The following KRT73 variants were observed in gnomAD, a reference collection of about 807,000 sequenced individuals.
KRT73 encodes the protein keratin 73.
In KRT73, 44 loss-of-function variants were observed where a neutral mutation model predicts 47.2. The ratio of observed to expected loss-of-function variants is 0.93; its 90% CI spans 0.73 to 1.20. KRT73 has a LOEUF of 1.20. Ranked by LOEUF, KRT73 falls within the 50% of genes most tolerant of loss-of-function variation. The probability of loss-of-function intolerance (pLI) is 0.00; values close to 1 mark genes in which losing one functional copy is unlikely to be tolerated. For synonymous variants in KRT73, 285 were observed against 291.3 expected, an observed-to-expected ratio of 0.98 and a Z score of 0.22; for missense variants, 713 against 704.5, an observed-to-expected ratio of 1.01 and a Z score of -0.14.
At chr12:52,619,517 G>T (rs189956368), upstream of KRT73, among the ~76,000 whole-genome samples, 297 of 152,298 alleles carry the variant, frequency 2.0e-3, 1 homozygote, top group African/African-American at 6.8e-3. Context: ...CCCTTGGCTG[G>T]TCTTCTGACT....
chr12:52,616,283 A>G lies in KRT73; in HGVS notation c.545T>C (p.Ile182Thr). The G allele has an allele frequency of 1.2e-6, 2 of 1,614,098 alleles. No homozygotes were observed. Among genetic ancestry groups the G allele is most frequent in the South Asian group, 2.2e-5 (2 of 91,062 alleles). ...LNNCKNNLEP[I>T]LEGYISNLRK... is the part of the protein sequence containing the mutation. Reference sequence around the variant, plus strand: ...CAGGTTGCTGATGTAGCCCTCAAGGATGGGCTCCAGGTTATTCTTGCAGTT... The same window carrying G: ...CAGGTTGCTGATGTAGCCCTCAAGGGTGGGCTCCAGGTTATTCTTGCAGTT... Residue 182 changes from isoleucine to threonine, a missense_variant, in exon 2 of 9, where the codon ATC (isoleucine) becomes ACC (threonine). Coordinates refer to ENST00000305748, the MANE Select transcript of KRT73 (RefSeq NM_175068.3).
Position 52,615,325 on chromosome 12 carries a change from A to G in KRT73, c.677T>C (p.Ile226Thr). 3 of 1,613,706 alleles carry G rather than the reference A, an allele frequency of 1.9e-6. No individual in the cohort carries two copies. The highest frequency in any genetic ancestry group is 2.5e-6 in the Non-Finnish European group (3 of 1,179,834). The change falls in exon 3 of 9, where the codon ATA becomes ACA. Residue 226 changes from isoleucine (I) to threonine (T), a missense_variant. By Grantham distance (89) the Ile-to-Thr change is moderately conservative. Transcript: ENST00000305748. Reference protein sequence around the residue: ...EDYKKRYEEEINKRTTAENEF... With the variant: ...EDYKKRYEEETNKRTTAENEF... ...ATTCTCAGCAGTTGTGCGCTTGTTT[A>G]TTTCTTCTTCATACCTGCAGGGAAA... is the stretch of plus-strand genomic sequence containing the variant.
chr12:52,613,407 T>G (rs1407128279), intron 5 of KRT73: 1 of 323,272 alleles, frequency 3.1e-6, no homozygotes, highest in East Asian at 6.3e-5. Context: ...AGGGAGTGGT[T>G]TCTGACCTGC....
At chr12:52,630,451 T>G in the KRT73 span, among the ~76,000 whole-genome samples, 1 of 152,240 alleles carries the variant, frequency 6.6e-6, no homozygotes, top group African/African-American at 2.4e-5. Flanking sequence ...GCCCTTCTGC[T>G]CTGCCTCCAG....
chr12:52,608,219 G>A lies in KRT73; in HGVS notation c.1600C>T (p.Pro534Ser), dbSNP rs1474772306. The A allele has an allele frequency of 5.0e-6, 8 of 1,611,396 alleles. No homozygotes were observed. The highest frequency in any genetic ancestry group is 1.3e-5 in the African/African-American group (1 of 74,726). Reference protein sequence around the residue: ...SQGKTLALSSPTKKTMR With the variant: ...SQGKTLALSSSTKKTMR Reference sequence around the variant, plus strand: ...TTTTATCTCATGGTTTTTTTGGTGGGTGAGCTTAGAGCTAAGGTCTTTCCC... The same window carrying A: ...TTTTATCTCATGGTTTTTTTGGTGGATGAGCTTAGAGCTAAGGTCTTTCCC... The change falls in exon 9 of 9, where the codon CCC (proline) becomes TCC (serine). Residue 534 changes from proline (P) to serine (S), a missense_variant. Coordinates refer to ENST00000305748, the MANE Select transcript of KRT73 (RefSeq NM_175068.3).
rs750425376 is a variant in KRT73, at chr12:52,618,121, T to C, written c.404A>G (p.Gln135Arg). 1.9e-6 allele frequency: 3 copies of C among 1,613,916 alleles called. No individual in the cohort carries two copies. The Admixed American group carries it at 5.0e-5, about 27-fold the overall frequency. The change falls in exon 1 of 9, where the codon CAG becomes CGG. Residue 135 changes from glutamine to arginine, a missense_variant. Coordinates refer to ENST00000305748, the MANE Select transcript of KRT73 (RefSeq NM_175068.3). ...IQKVRAQERE[Q>R]IKVLNNKFAS... Reference sequence around the variant, plus strand: ...GAACTTGTTGTTCAGCACCTTGATCTGCTCCCGCTCCTGGGCACGCACTTT... The same window carrying C: ...GAACTTGTTGTTCAGCACCTTGATCCGCTCCCGCTCCTGGGCACGCACTTT...
intron 1 of KRT73, among the ~76,000 whole-genome samples, chr12:52,617,702 C>T (rs1414554082): frequency 2.0e-5 from 3 of 152,170 alleles, no homozygotes; most frequent in Admixed American, 6.5e-5. Context: ...TCATTGCTTC[C>T]TGGACACCTT....
At chr12:52,611,456 T>G in intron 5 of KRT73, 127 bp from the exon 6 acceptor site, 2 of 1,071,566 alleles carry the variant, frequency 1.9e-6, no homozygotes, top group South Asian at 3.1e-5. Flanking sequence ...CCTCACCATG[T>G]CTATCAGCAG....
intron 6 of KRT73, 55 bp downstream of exon 6, chr12:52,611,149 T>TA: frequency 6.2e-7 from 1 of 1,600,192 alleles, no homozygotes; most frequent in South Asian, 1.1e-5. Context: ...CAGGGGGTGC[T>TA]AAGCAGTTCA....
chr12:52,628,962 T>G, the KRT73 span, among the ~76,000 whole-genome samples: 1 of 152,180 alleles, frequency 6.6e-6, no homozygotes, highest in Non-Finnish European at 1.5e-5. Context: ...CAGGTTTCTG[T>G]GCCCTGAGTT....
upstream of KRT73, among the ~76,000 whole-genome samples, chr12:52,620,109 C>CTTTTTTTTTTTTTT (rs10638831): frequency 7.4e-5 from 7 of 94,444 alleles, no homozygotes; most frequent in African/African-American, 1.3e-4. Context: ...TCCTTTTTTT[C>CTTTTTTTTTTTTTT]TTTTTTTTTT....
chr12:52,608,478 T>C lies in KRT73; in HGVS notation c.1367-26A>G, dbSNP rs763070881. On this transcript the variant is annotated intron_variant, in intron 8 of 8. Coordinates refer to ENST00000305748, the MANE Select transcript of KRT73 (RefSeq NM_175068.3). The stretch of plus-strand genomic sequence containing the variant: ...CTGCAGAGGAGGGAGGGACGAGTGA[T>C]CAGTGTATATCCCAGGACAGAGGTG... The C allele has an allele frequency of 5.1e-6, 8 of 1,580,326 alleles. No individual in the cohort carries two copies. The Admixed American group carries it at 1.4e-4, about 27-fold the overall frequency.
chr12:52,608,155 A>T lies in KRT73; in HGVS notation c.*41T>A. On this transcript the variant is annotated 3_prime_UTR_variant, in exon 9 of 9. Coordinates refer to ENST00000305748, the MANE Select transcript of KRT73 (RefSeq NM_175068.3). ...CTAGAAGAGTCCGGAGCAGTCTGCC[A>T]GGGCAAGGCAGACTACTGGGAAATG... The T allele has an allele frequency of 6.4e-7, 1 of 1,567,236 alleles. No homozygotes were observed. Among genetic ancestry groups the T allele is most frequent in the Non-Finnish European group, 8.7e-7 (1 of 1,154,238 alleles).
intron 5 of KRT73, chr12:52,611,569 C>G: frequency 1.9e-6 from 1 of 515,214 alleles, no homozygotes; most frequent in Non-Finnish European, 3.5e-6. Flanking sequence ...GTCCCAGACT[C>G]TCCATATGGC....
chr12:52,620,736 C>A (rs1050908721), upstream of KRT73, among the ~76,000 whole-genome samples: 1 of 152,160 alleles, frequency 6.6e-6, no homozygotes, highest in African/African-American at 2.4e-5. Context: ...TGTGAACCTG[C>A]CACAGAGGCA....
At position 52,608,025 on chromosome 12, in the gene KRT73, T is replaced by C. The variant is rs928527645; in HGVS notation, c.*171A>G. ...TGGGCTCCAGCTCTCAAATCCTGAT[T>C]CAACATTAACAAAGACTGAGGCAGA... On this transcript the variant is annotated 3_prime_UTR_variant, in exon 9 of 9. Coordinates refer to ENST00000305748, the MANE Select transcript of KRT73 (RefSeq NM_175068.3). 4.6e-5 allele frequency: 32 copies of C among 692,052 alleles called. No homozygotes were observed. The highest frequency in any genetic ancestry group is 3.7e-4 in the South Asian group (16 of 43,098). 42.9% of individuals were successfully genotyped at this position (692,052 alleles called of 1,614,324 possible).
chr12:52,624,823 A>C, the KRT73 span, among the ~76,000 whole-genome samples: 21 of 152,164 alleles, frequency 1.4e-4, no homozygotes, highest in Non-Finnish European at 2.2e-4. Flanking sequence ...CAAAACAAAA[A>C]AAAAAAATAG....
At chr12:52,624,613 A>T in the KRT73 span, among the ~76,000 whole-genome samples, 8,183 of 152,194 alleles carry the variant, frequency 0.054, 739 homozygotes, top group African/African-American at 0.19. Context: ...AGATAACAGG[A>T]TCTATCCAAA....
chr12:52,610,929 G>GC (rs1940688253), intron 6 of KRT73, 94 bp from the exon 7 acceptor site: 11 of 1,149,250 alleles, frequency 9.6e-6, no homozygotes, highest in Non-Finnish European at 1.4e-5. Context: ...CCTCTGTCCT[G>GC]CCCCATGTCC....
Sources: allele counts gnomAD v4.1 joint callset (sites outside exome capture counted in the v4.1 genomes callset), GRCh38; gene constraint gnomAD v4.1.1; transcripts MANE v1.5; gene names NCBI Gene and HGNC (gene_info 2026-07-23, HGNC 2026-07-21).